The following TBC1D22A variants were observed in gnomAD, a reference collection of about 807,000 sequenced individuals.
TBC1D22A encodes TBC1 domain family member 22A, also known as putative GTPase activator.
In TBC1D22A, 38 loss-of-function variants were observed where a neutral mutation model predicts 60.2. The ratio of observed to expected loss-of-function variants is 0.63; its 90% CI spans 0.49 to 0.83. TBC1D22A has a LOEUF of 0.83. TBC1D22A is among the 40% of genes least tolerant of loss of function. The probability of loss-of-function intolerance (pLI) is 0.00; values close to 1 mark genes in which losing one functional copy is unlikely to be tolerated. For synonymous variants in TBC1D22A, 302 were observed against 281.7 expected (o/e 1.07, Z -0.72); for missense variants, 628 against 701.0 (o/e 0.90, Z 1.18).
intron 11 of TBC1D22A, among the ~76,000 whole-genome samples, chr22:47,053,701 A>G (rs2063301783): frequency 2.0e-5 from 3 of 152,230 alleles, no homozygotes; most frequent in Admixed American, 2.0e-4. Context: ...GAGAAACATC[A>G]TTAGTAATTT....
chr22:47,148,255 C>T (rs2067358342), intron 12 of TBC1D22A, among the ~76,000 whole-genome samples: 2 of 151,560 alleles, frequency 1.3e-5, no homozygotes, highest in South Asian at 4.2e-4. Context: ...CTGGGGAAAA[C>T]CTGTCACAGA....
At chr22:46,814,864 T>C (rs2085527690) in intron 4 of TBC1D22A, among the ~76,000 whole-genome samples, 1 of 151,408 alleles carries the variant, frequency 6.6e-6, no homozygotes, top group Non-Finnish European at 1.5e-5. Flanking sequence ...ATGTTGGTCA[T>C]GCTGGTCTCG....
chr22:47,141,828 GT>G (rs1312353348), intron 12 of TBC1D22A, among the ~76,000 whole-genome samples: 1 of 152,196 alleles, frequency 6.6e-6, no homozygotes, highest in African/African-American at 2.4e-5. Context: ...AAACACTACA[GT>G]TTTTTAATAT....
At chr22:47,080,624 A>T (rs996316099) in intron 11 of TBC1D22A, among the ~76,000 whole-genome samples, 12 of 117,290 alleles carry the variant, frequency 1.0e-4, no homozygotes, top group East Asian at 3.0e-4. Flanking sequence ...TACCTGTAAA[A>T]ATATATATAT....
intron 11 of TBC1D22A, among the ~76,000 whole-genome samples, chr22:47,108,683 TA>T (rs2065731543): frequency 6.6e-6 from 1 of 152,194 alleles, no homozygotes; most frequent in South Asian, 2.1e-4. Flanking sequence ...TTGAAATATG[TA>T]AACATGTTTT....
At chr22:47,162,393 T>C (rs1441580623) in intron 12 of TBC1D22A, among the ~76,000 whole-genome samples, 1 of 152,114 alleles carries the variant, frequency 6.6e-6, no homozygotes, top group Non-Finnish European at 1.5e-5. Context: ...GAGGCCCCCG[T>C]GGAGTTGCCA....
intron 8 of TBC1D22A, among the ~76,000 whole-genome samples, chr22:46,941,934 TAC>T (rs368425901): frequency 0.052 from 7,141 of 138,352 alleles, 218 homozygotes; most frequent in South Asian, 0.13. Context: ...TATGTATGTA[TAC>T]ACACACACAC....
chr22:47,034,633 G>C (rs1969875163), intron 10 of TBC1D22A, among the ~76,000 whole-genome samples: 1 of 152,182 alleles, frequency 6.6e-6, no homozygotes, highest in African/African-American at 2.4e-5. Context: ...GCTGTCTCTG[G>C]GCCTGGCTCC....
intron 8 of TBC1D22A, among the ~76,000 whole-genome samples, chr22:46,971,831 CT>C (rs963798601): frequency 3.0e-4 from 46 of 152,354 alleles, no homozygotes; most frequent in African/African-American, 1.1e-3. Context: ...CCTGTGGGGG[CT>C]TCATCAGAGG....
chr22:46,992,754 G>T (rs1258225594), intron 9 of TBC1D22A, among the ~76,000 whole-genome samples: 5 of 152,248 alleles, frequency 3.3e-5, no homozygotes, highest in Non-Finnish European at 7.3e-5. Context: ...GTGGAGTGCA[G>T]CTGTGACAGG....
intron 12 of TBC1D22A, among the ~76,000 whole-genome samples, chr22:47,144,665 A>G (rs1393869495): frequency 6.6e-6 from 1 of 152,132 alleles, no homozygotes; most frequent in East Asian, 1.9e-4. Context: ...CACTGGCGGG[A>G]CTTCACGGGT....
intron 4 of TBC1D22A, among the ~76,000 whole-genome samples, chr22:46,805,623 T>G (rs1426639153): frequency 6.6e-6 from 1 of 152,164 alleles, no homozygotes; most frequent in Non-Finnish European, 1.5e-5. Flanking sequence ...ACATGGCCAC[T>G]CCTGGTGGTA....
rs1000073319 is a variant in TBC1D22A at position 46,797,557 on chromosome 22, G to A, written c.574G>A (p.Glu192Lys). The A allele has an allele frequency of 3.1e-6, 5 of 1,613,550 alleles. No individual in the cohort carries two copies. Among genetic ancestry groups the A allele is most frequent in the Non-Finnish European group, 3.4e-6 (4 of 1,179,784 alleles). ...PSTLSSSALS[E>K]REASRLDKFK... ...CACTCTCAGCAGCTCAGCGCTGAGCGAAAGAGAGGCCTCCCGGCTCGACAA... is the reference window on the plus strand; with the variant it reads ...CACTCTCAGCAGCTCAGCGCTGAGCAAAAGAGAGGCCTCCCGGCTCGACAA... The change falls in exon 4 of 13, where the codon GAA becomes AAA. Residue 192 changes from glutamate to lysine, a missense_variant. Coordinates refer to ENST00000337137, the MANE Select transcript of TBC1D22A (RefSeq NM_014346.5).
intron 12 of TBC1D22A, among the ~76,000 whole-genome samples, chr22:47,141,509 G>A (rs2067084300): frequency 1.3e-5 from 2 of 152,224 alleles, no homozygotes; most frequent in Non-Finnish European, 2.9e-5. Context: ...CTTGCTTGGA[G>A]CCACACAGCT....
Position 47,175,617 on chromosome 22 carries a change from C to G in TBC1D22A, c.*1991C>G, listed in dbSNP as rs887239806. 2.0e-5 allele frequency: 3 copies of G among 152,230 alleles called. No individual in the cohort carries two copies. The highest frequency in any genetic ancestry group is 4.4e-5 in the Non-Finnish European group (3 of 68,110). The allele number at this position is 152,230 out of a possible 1,614,324, so 9.4% of individuals were successfully genotyped here. A position where few individuals can be genotyped will look rare whatever the true frequency, so the allele number is the denominator to read the frequency against. On this transcript the variant is annotated 3_prime_UTR_variant, in exon 13 of 13. Coordinates refer to ENST00000337137, the MANE Select transcript of TBC1D22A (RefSeq NM_014346.5). Reference sequence around the variant, plus strand: ...GTTGGCCGCGGGCCTTAAGTCTGAGCAGATCCATCTGGAATGTTCGGGGTG... The same window carrying G: ...GTTGGCCGCGGGCCTTAAGTCTGAGGAGATCCATCTGGAATGTTCGGGGTG...
chr22:47,032,506 G>A (rs1038144396), intron 10 of TBC1D22A, among the ~76,000 whole-genome samples: 27 of 131,168 alleles, frequency 2.1e-4, no homozygotes, highest in Admixed American at 1.7e-3. Flanking sequence ...GGGAGTGGCC[G>A]CGAACACACA....
chr22:47,090,926 C>CGCGG (rs2064914763), intron 11 of TBC1D22A, among the ~76,000 whole-genome samples: 2 of 113,832 alleles, frequency 1.8e-5, no homozygotes, highest in African/African-American at 3.7e-5. Context: ...GGTGTGGCCT[C>CGCGG]ACGGAGGGGG....
At chr22:46,983,854 C>T (rs1048190083) in intron 9 of TBC1D22A, among the ~76,000 whole-genome samples, 1 of 151,782 alleles carries the variant, frequency 6.6e-6, no homozygotes, top group Non-Finnish European at 1.5e-5. Context: ...AGCTATGTTT[C>T]GGGGATGATT....
At chr22:46,926,924 T>G (rs2071080859) in intron 8 of TBC1D22A, among the ~76,000 whole-genome samples, 1 of 152,242 alleles carries the variant, frequency 6.6e-6, no homozygotes, top group Non-Finnish European at 1.5e-5. Flanking sequence ...AATGTTAACT[T>G]GTTATTAATT....
Sources: allele counts gnomAD v4.1 joint callset (sites outside exome capture counted in the v4.1 genomes callset), GRCh38; gene constraint gnomAD v4.1.1; transcripts MANE v1.5; gene names NCBI Gene and HGNC (gene_info 2026-07-23, HGNC 2026-07-21).